Variants in FNDC1 observed in about 807,000 individuals in gnomAD.
The protein encoded by FNDC1 is fibronectin type III domain-containing protein 1.
FNDC1 carries 96 observed loss-of-function variants against 168.0 expected under a neutral mutation model. The observed-to-expected ratio is 0.57, with a 90% CI of 0.48 to 0.68. FNDC1 has a LOEUF of 0.68. FNDC1 is among the 30% of genes least tolerant of loss of function. The probability of loss-of-function intolerance (pLI) is 0.00; values close to 1 mark genes in which losing one functional copy is unlikely to be tolerated. For missense variants in FNDC1, 2,587 were observed against 2,482.1 expected, an observed-to-expected ratio of 1.04 and a Z score of -0.90; for synonymous variants, 1,099 against 1,025.9, an observed-to-expected ratio of 1.07 and a Z score of -1.36.
Position 159,200,561 on chromosome 6 carries a change from C to A in FNDC1, c.440C>A (p.Pro147Gln). ...IDGFPIKGPG[P>Q]FNETVTEKEV... ...GGTTTTCCCATTAAGGGTCCAGGAC[C>A]ATTTAATGAAACCGTCACAGGTACT... Residue 147 changes from proline to glutamine, a missense_variant, in exon 4 of 23, where the codon CCA becomes CAA. Coordinates refer to ENST00000297267, the MANE Select transcript of FNDC1 (RefSeq NM_032532.3). 1.3e-6 allele frequency: 2 copies of A among 1,597,336 alleles called. No individual in the cohort carries two copies. Among genetic ancestry groups the A allele is most frequent in the South Asian group, 1.1e-5 (1 of 87,674 alleles).
Position 159,267,787 on chromosome 6 carries a change from T to A in FNDC1, c.5447-17T>A, listed in dbSNP as rs1777620160. On this transcript the variant is annotated splice_polypyrimidine_tract_variant and intron_variant, in intron 21 of 22. Coordinates refer to ENST00000297267, the MANE Select transcript of FNDC1 (RefSeq NM_032532.3). ...TTTCTGTACCTAGTCATGGACTCAA[T>A]CAATTCCTTCATGCAGATACATTCT... 1 of 1,613,316 alleles carries A rather than the reference T, an allele frequency of 6.2e-7. No individual in the cohort carries two copies. Among genetic ancestry groups the A allele is most frequent in the Non-Finnish European group, 8.5e-7 (1 of 1,179,676 alleles).
At chr6:159,204,599 C>T (rs1158193696) in intron 4 of FNDC1, among the ~76,000 whole-genome samples, 1 of 152,168 alleles carries the variant, frequency 6.6e-6, no homozygotes, top group Non-Finnish European at 1.5e-5. Flanking sequence ...GCAGGTCTGC[C>T]CCCGTCATTT....
At chr6:159,267,970 GAC>G in intron 22 of FNDC1, 44 bp downstream of exon 22, 1 of 1,581,192 alleles carries the variant, frequency 6.3e-7, no homozygotes, top group Non-Finnish European at 8.6e-7. Context: ...GGAGGTGGGA[GAC>G]AAGGATTAAT....
Position 159,232,533 on chromosome 6 carries a change from G to T in FNDC1, c.2021G>T (p.Arg674Leu). 8.1e-6 allele frequency: 13 copies of T among 1,612,140 alleles called. No individual in the cohort carries two copies. Among genetic ancestry groups the T allele is most frequent in the Non-Finnish European group, 1.1e-5 (13 of 1,179,270 alleles). The change falls in exon 11 of 23, where the codon CGC becomes CTC. Residue 674 changes from arginine to leucine, a missense_variant. By Grantham distance (102) the Arg-to-Leu change is moderately radical (BLOSUM62 -2). Transcript: ENST00000297267. This position sits in a 1 kb window ranked among gnomAD's most constrained non-coding sequence, Gnocchi z 4.9. The part of the protein sequence containing the change: ...AQPRPALSPS[R>L]QSPSSVLRDR... ...CCCCGGCCAGCCCTGTCCCCCAGCC[G>T]CCAGTCCCCGTCCAGCGTTCTCCGC...
intron 1 of FNDC1, among the ~76,000 whole-genome samples, chr6:159,174,166 C>G (rs904192904): frequency 6.6e-6 from 1 of 152,234 alleles, no homozygotes; most frequent in Non-Finnish European, 1.5e-5. Context: ...CTGCACAGAA[C>G]GTTTCTGTTA....
At chr6:159,199,943 G>C (rs372268158) in intron 2 of FNDC1, 53 bp from the exon 3 acceptor site, 2 of 1,459,916 alleles carry the variant, frequency 1.4e-6, no homozygotes, top group African/African-American at 1.4e-5. Context: ...GAGTGAAACT[G>C]TGTCATTCTT....
intron 4 of FNDC1, among the ~76,000 whole-genome samples, chr6:159,212,702 GT>G (rs1026550803): frequency 6.6e-6 from 1 of 152,092 alleles, no homozygotes; most frequent in African/African-American, 2.4e-5. Flanking sequence ...TCTCTTGTCC[GT>G]TTGCTACCTG....
chr6:159,260,803 C>A (rs1307296613), intron 18 of FNDC1, among the ~76,000 whole-genome samples: 1 of 152,202 alleles, frequency 6.6e-6, no homozygotes, highest in Non-Finnish European at 1.5e-5. Flanking sequence ...GGCTGTGGGA[C>A]TGAAGCGGAG....
At chr6:159,199,223 C>T (rs994596904) in intron 2 of FNDC1, among the ~76,000 whole-genome samples, 1 of 152,172 alleles carries the variant, frequency 6.6e-6, no homozygotes, top group Non-Finnish European at 1.5e-5. Context: ...TAGGGTTTTA[C>T]CTTGCAGAGC....
At chr6:159,191,228 A>C (rs115433029) in intron 1 of FNDC1, among the ~76,000 whole-genome samples, 4,185 of 152,338 alleles carry the variant, frequency 0.027, 209 homozygotes, top group African/African-American at 0.096. Flanking sequence ...TCACAATTCA[A>C]CATGAGATTT....
At chr6:159,238,139 A>C (rs402727) in intron 12 of FNDC1, among the ~76,000 whole-genome samples, 126,692 of 149,788 alleles carry the variant, frequency 0.85, 53,991 homozygotes, top group Non-Finnish European at 0.9. Flanking sequence ...GCCCTGTCAC[A>C]CAGGCTGGAG....
chr6:159,223,304 C>A (rs1254882201), intron 6 of FNDC1, among the ~76,000 whole-genome samples: 1 of 151,860 alleles, frequency 6.6e-6, no homozygotes, highest in Non-Finnish European at 1.5e-5. Context: ...CCGAAATGCT[C>A]ATTTCTTAGC....
intron 1 of FNDC1, among the ~76,000 whole-genome samples, chr6:159,179,776 A>T (rs1781842411): frequency 6.6e-6 from 1 of 152,210 alleles, no homozygotes; most frequent in African/African-American, 2.4e-5. Flanking sequence ...GCCCTTAAAT[A>T]GCAGAGGCTC....
intron 7 of FNDC1, among the ~76,000 whole-genome samples, chr6:159,225,187 A>G (rs1017509196): frequency 2.0e-5 from 3 of 146,782 alleles, no homozygotes; most frequent in Non-Finnish European, 4.5e-5. Context: ...AGACACACAC[A>G]CACACACGCA....
rs1462138495 is a variant in FNDC1 at position 159,239,478 on chromosome 6, T to C, written c.4181-39T>C. The C allele has an allele frequency of 2.0e-6, 3 of 1,514,438 alleles. No homozygotes were observed. In the Admixed American group the frequency reaches 6.5e-5, roughly 33 times the overall value. The allele number at this position is 1,514,438 out of a possible 1,614,324, so 93.8% of individuals were successfully genotyped here. On this transcript the variant is annotated intron_variant, in intron 13 of 22. Coordinates refer to ENST00000297267, the MANE Select transcript of FNDC1 (RefSeq NM_032532.3). Reference sequence around the variant, plus strand: ...TTGCTTTTTATTTTCTCTGGATTGCTTCACCTTGTTGCATAGCTATTGGTT... The same window carrying C: ...TTGCTTTTTATTTTCTCTGGATTGCCTCACCTTGTTGCATAGCTATTGGTT...
At chr6:159,189,227 CT>C (rs760619738) in intron 1 of FNDC1, among the ~76,000 whole-genome samples, 20 of 152,254 alleles carry the variant, frequency 1.3e-4, no homozygotes, top group Non-Finnish European at 2.4e-4. Flanking sequence ...AGAACTAGGG[CT>C]GTAAGCATCA....
Position 159,271,643 on chromosome 6 carries a change from G to T in FNDC1, c.*201G>T. The T allele has an allele frequency of 2.0e-6, 1 of 491,932 alleles. No individual in the cohort carries two copies. The highest frequency in any genetic ancestry group is 2.6e-5 in the South Asian group (1 of 39,020). The allele number at this position is 491,932 out of a possible 1,614,324, so 30.5% of individuals were successfully genotyped here. ...TGGCCTGGACAATGAACAGGATTCAGTTTTGCTGTTAACTTTGCTTCTCTA... is the reference window on the plus strand; with the variant it reads ...TGGCCTGGACAATGAACAGGATTCATTTTTGCTGTTAACTTTGCTTCTCTA... On this transcript the variant is annotated 3_prime_UTR_variant, in exon 23 of 23. Transcript: ENST00000297267.
At chr6:159,269,205 ATATCTATCTATC>A (rs148868340) in intron 22 of FNDC1, among the ~76,000 whole-genome samples, 107 of 115,654 alleles carry the variant, frequency 9.3e-4, no homozygotes, top group Middle Eastern at 4.7e-3. Context: ...CTACCTATTC[ATATCTATCTATC>A]TATCTATCTA....
chr6:159,174,061 T>C (rs1451713026), intron 1 of FNDC1, among the ~76,000 whole-genome samples: 2 of 152,178 alleles, frequency 1.3e-5, no homozygotes, highest in Non-Finnish European at 1.5e-5. Flanking sequence ...TAAACTGTTA[T>C]CAGAAGCTAT....
Sources: allele counts gnomAD v4.1 joint callset (sites outside exome capture counted in the v4.1 genomes callset), GRCh38; gene constraint gnomAD v4.1.1; non-coding constraint Gnocchi (gnomAD v3.1); transcripts MANE v1.5; gene names NCBI Gene and HGNC (gene_info 2026-07-23, HGNC 2026-07-21).